Variants in PHF3 observed in about 807,000 individuals in gnomAD.
The protein encoded by PHF3 is PHD finger protein 3.
In PHF3, 41 loss-of-function variants were observed where a neutral mutation model predicts 178.4. The ratio of observed to expected loss-of-function variants is 0.23; its 90% CI spans 0.18 to 0.30. The LOEUF is 0.30. Ranked by LOEUF, PHF3 falls within the 10% of genes least tolerant of loss-of-function variation. PHF3 has a pLI of 1.00. For synonymous variants in PHF3, 842 were observed against 800.5 expected (o/e 1.05, Z -0.88); for missense variants, 2,346 against 2,398.1 (o/e 0.98, Z 0.45).
intron 15 of PHF3, 100 bp from the exon 16 acceptor site, chr6:63,711,486 G>A: frequency 7.4e-7 from 1 of 1,347,296 alleles, no homozygotes. Context: ...GACAGGGCCA[G>A]GCACCATTTA....
intron 1 of PHF3, among the ~76,000 whole-genome samples, chr6:63,639,736 G>T (rs1764494483): frequency 6.6e-6 from 1 of 152,122 alleles, no homozygotes; most frequent in Admixed American, 6.5e-5. Context: ...TAGGGTCGCT[G>T]TGAGGAACTA....
At chr6:63,693,353 C>G (rs1272544128) in intron 5 of PHF3, among the ~76,000 whole-genome samples, 1 of 152,176 alleles carries the variant, frequency 6.6e-6, no homozygotes, top group Admixed American at 6.5e-5. Flanking sequence ...CAGTGGCTCA[C>G]ACCTGTAATC....
intron 9 of PHF3, among the ~76,000 whole-genome samples, chr6:63,702,100 A>G (rs1767499917): frequency 1.3e-5 from 2 of 152,268 alleles, no homozygotes; most frequent in African/African-American, 2.4e-5. Context: ...ATAAACTACT[A>G]TTGTGGGGGA....
rs1767153704 is a variant in PHF3 at position 63,694,647 on chromosome 6, C to T, written c.2563C>T (p.Pro855Ser). ...DNEIKKWQLA[P>S]LRKMGQPVLP... ...TGAAATTAAAAAATGGCAGCTAGCT[C>T]CTCTTCGTAAGATGGGACAACCAGT... The change falls in exon 6 of 16, where the codon CCT (proline) becomes TCT (serine). Residue 855 changes from proline to serine, a missense_variant. By Grantham distance (74) the Pro-to-Ser change is moderately conservative (BLOSUM62 -1). Coordinates refer to ENST00000262043, the MANE Select transcript of PHF3 (RefSeq NM_001370348.2). The T allele has an allele frequency of 2.5e-6, 4 of 1,589,808 alleles. No homozygotes were observed.
chr6:63,644,048 G>A (rs768532965), intron 1 of PHF3, among the ~76,000 whole-genome samples: 3 of 152,186 alleles, frequency 2.0e-5, no homozygotes, highest in Non-Finnish European at 2.9e-5. Flanking sequence ...CATATAGTTG[G>A]TACAACAGGA....
In PHF3 at chr6:63,685,553, C is replaced by T. The variant is rs772983570; in HGVS notation, c.1831C>T (p.His611Tyr). 1.2e-6 allele frequency: 2 copies of T among 1,614,108 alleles called. No individual in the cohort carries two copies. Among genetic ancestry groups the T allele is most frequent in the Non-Finnish European group, 1.7e-6 (2 of 1,179,984 alleles). Residue 611 changes from histidine (H) to tyrosine (Y), a missense_variant, in exon 4 of 16, where the codon CAT (histidine) becomes TAT (tyrosine). Physicochemically the swap from His to Tyr is moderately conservative, Grantham distance 83. Coordinates refer to ENST00000262043, the MANE Select transcript of PHF3 (RefSeq NM_001370348.2). Reference protein sequence around the residue: ...HAHPGCLKEPHHPAQTGHVSH... With the variant: ...HAHPGCLKEPYHPAQTGHVSH... ...TCATCCTGGTTGCTTGAAAGAACCT[C>T]ATCATCCTGCACAAACTGGACATGT... is the stretch of plus-strand genomic sequence containing the variant.
In PHF3 at chr6:63,684,806, G is replaced by C. The variant is rs376420192; in HGVS notation, c.1084G>C (p.Gly362Arg). The stretch of plus-strand genomic sequence containing the variant: ...AAATAAGACAGAAAACAGCCTTGTA[G>C]GTTTGCCTAGTTGTGTAGATGAAGT... ...NPNKTENSLVGLPSCVDEVTE... is the reference protein window; with the variant it reads ...NPNKTENSLVRLPSCVDEVTE... The change falls in exon 4 of 16, where the codon GGT becomes CGT. Residue 362 changes from glycine (G) to arginine (R), a missense_variant. Physicochemically the swap from Gly to Arg is moderately radical, Grantham distance 125. Transcript: ENST00000262043. 2 of 1,614,012 alleles carry C rather than the reference G, an allele frequency of 1.2e-6. No homozygotes were observed. Among genetic ancestry groups the C allele is most frequent in the South Asian group, 1.1e-5 (1 of 91,072 alleles).
chr6:63,685,898 C>A lies in PHF3; in HGVS notation c.2176C>A (p.Pro726Thr). 1.2e-6 allele frequency: 2 copies of A among 1,611,072 alleles called. No individual in the cohort carries two copies. Among genetic ancestry groups the A allele is most frequent in the Non-Finnish European group, 1.7e-6 (2 of 1,179,216 alleles). Residue 726 changes from proline (P) to threonine (T), a missense_variant, in exon 4 of 16, where the codon CCA becomes ACA. This residue lies in a region of PHF3 where 72 missense variants were observed against 110.5 expected (regional missense o/e 0.65). Coordinates refer to ENST00000262043, the MANE Select transcript of PHF3 (RefSeq NM_001370348.2). ...CAAGCAGTGTGGGTTTTGCAAAAAA[C>A]CACATGGCAACAGGTGTGTGTGTAT... Reference protein sequence around the residue: ...PSKQCGFCKKPHGNRFMVGCG... With the variant: ...PSKQCGFCKKTHGNRFMVGCG...
At position 63,694,669 on chromosome 6, in the gene PHF3, C is replaced by G; in HGVS notation, c.2585C>G (p.Pro862Arg). ...GCTCCTCTTCGTAAGATGGGACAACCAGTTTTACCTCGGAGATCCTCAGAA... is the reference window on the plus strand; with the variant it reads ...GCTCCTCTTCGTAAGATGGGACAACGAGTTTTACCTCGGAGATCCTCAGAA... ...QLAPLRKMGQPVLPRRSSEEK... is the reference protein window; with the variant it reads ...QLAPLRKMGQRVLPRRSSEEK... Residue 862 changes from proline to arginine, a missense_variant, in exon 6 of 16, where the codon CCA becomes CGA. This residue lies in a region of PHF3 where 252 missense variants were observed against 232.0 expected (regional missense o/e 1.09). Coordinates refer to ENST00000262043, the MANE Select transcript of PHF3 (RefSeq NM_001370348.2). 1 of 1,601,866 alleles carries G rather than the reference C, an allele frequency of 6.2e-7. No individual in the cohort carries two copies. Among genetic ancestry groups the G allele is most frequent in the African/African-American group, 1.3e-5 (1 of 74,424 alleles).
At chr6:63,704,904 G>C (rs936544778) in intron 11 of PHF3, among the ~76,000 whole-genome samples, 1 of 152,208 alleles carries the variant, frequency 6.6e-6, no homozygotes. Flanking sequence ...CAATGAATGA[G>C]AGTTCCTGTT....
Position 63,725,498 on chromosome 6 carries a change from T to G in PHF3, c.*11790T>G, listed in dbSNP as rs1768580515. 6.6e-6 allele frequency among the ~76,000 whole-genome samples: 1 copy of G among 152,140 alleles called. No homozygotes were observed. The highest frequency in any genetic ancestry group is 6.6e-5 in the Admixed American group (1 of 15,266). On this transcript the variant is annotated 3_prime_UTR_variant, in exon 16 of 16. Coordinates refer to ENST00000262043, the MANE Select transcript of PHF3 (RefSeq NM_001370348.2). ...TGATTGTCTTTTAATGTCTCTTGAT[T>G]TATAAATAGAAAATTTATGTTTGTA...
Position 63,718,435 on chromosome 6 carries a change from G to A in PHF3, c.*4727G>A, listed in dbSNP as rs756290949. 4.0e-5 allele frequency among the ~76,000 whole-genome samples: 6 copies of A among 151,836 alleles called. No homozygotes were observed. Among genetic ancestry groups the A allele is most frequent in the Non-Finnish European group, 8.8e-5 (6 of 67,896 alleles). On this transcript the variant is annotated 3_prime_UTR_variant, in exon 16 of 16. Coordinates refer to ENST00000262043, the MANE Select transcript of PHF3 (RefSeq NM_001370348.2). ...CATACTAGAAAATCAAATGATAAACGTTAAAAATATTTGTTAATGATAATC... is the reference window on the plus strand; with the variant it reads ...CATACTAGAAAATCAAATGATAAACATTAAAAATATTTGTTAATGATAATC...
chr6:63,663,752 G>C (rs893547793), intron 2 of PHF3, among the ~76,000 whole-genome samples: 2 of 152,146 alleles, frequency 1.3e-5, no homozygotes, highest in South Asian at 4.1e-4. Context: ...GTGACTGAGA[G>C]CTAGTATGGA....
chr6:63,685,975 G>C (rs183464763), intron 4 of PHF3, 64 bp downstream of exon 4: 1 of 1,107,504 alleles, frequency 9.0e-7, no homozygotes, highest in South Asian at 1.4e-5. Context: ...TTGGGGGTGG[G>C]ATTAATGTGA....
Position 63,713,425 on chromosome 6 carries a change from A to G in PHF3, c.5837A>G (p.His1946Arg), listed in dbSNP as rs377497995. ...EKEWEQESER[H>R]RRRDRSQDKD... is the part of the protein sequence containing the mutation. ...GAATGGGAGCAAGAATCTGAAAGGC[A>G]TAGACGCAGAGACAGAAGCCAAGAC... The change falls in exon 16 of 16, where the codon CAT becomes CGT. Residue 1946 changes from histidine to arginine, a missense_variant. His to Arg is a conservative substitution (Grantham distance 29). Around this residue, in one of 8 missense-constraint regions of PHF3, gnomAD observed 839 missense variants for 806.9 expected, o/e 1.04. Coordinates refer to ENST00000262043, the MANE Select transcript of PHF3 (RefSeq NM_001370348.2). 1.9e-5 allele frequency: 31 copies of G among 1,613,914 alleles called. No homozygotes were observed. Among genetic ancestry groups the G allele is most frequent in the Non-Finnish European group, 2.5e-5 (30 of 1,179,982 alleles).
At position 63,721,738 on chromosome 6, in the gene PHF3, C is replaced by T. The variant is rs1224801221; in HGVS notation, c.*8030C>T. 2 of 1,550,704 alleles carry T rather than the reference C, an allele frequency of 1.3e-6. No individual in the cohort carries two copies. Among genetic ancestry groups the T allele is most frequent in the Non-Finnish European group, 1.7e-6 (2 of 1,146,306 alleles). ...AGAGTTTCTAGAATGATAGTTCTGT[C>T]GCCAAGGTTGTAGCGAAGTTGAACG... On this transcript the variant is annotated 3_prime_UTR_variant, in exon 16 of 16. Transcript: ENST00000262043.
At position 63,719,881 on chromosome 6, in the gene PHF3, ATTC is replaced by A. The variant is rs1286803802; in HGVS notation, c.*6176_*6178del. ...TTCTCTCCAGAGGCAACCATTTTTA[ATTC>A]TTTTAGATATTTAGGATATTTGCCT... On this transcript the variant is annotated 3_prime_UTR_variant, in exon 16 of 16. Transcript: ENST00000262043. 12 of 152,180 alleles carry A rather than the reference ATTC, an allele frequency of 7.9e-5. No homozygotes were observed. Among genetic ancestry groups the A allele is most frequent in the African/African-American group, 2.6e-4 (11 of 41,568 alleles). 9.4% of individuals were successfully genotyped at this position (152,180 alleles called of 1,614,324 possible). A position where few individuals can be genotyped will look rare whatever the true frequency, so the allele number is the denominator to read the frequency against.
At chr6:63,677,951 A>C (rs1005138871) in intron 2 of PHF3, among the ~76,000 whole-genome samples, 1 of 152,174 alleles carries the variant, frequency 6.6e-6, no homozygotes, top group Non-Finnish European at 1.5e-5. Context: ...GGCTGGGTGC[A>C]GTGGTTCACA....
intron 1 of PHF3, among the ~76,000 whole-genome samples, chr6:63,644,030 G>A (rs989222953): frequency 6.6e-6 from 1 of 152,188 alleles, no homozygotes; most frequent in Non-Finnish European, 1.5e-5. Flanking sequence ...TCACTTGAAA[G>A]CTCACAGCAT....
Sources: allele counts gnomAD v4.1 joint callset (sites outside exome capture counted in the v4.1 genomes callset), GRCh38; gene constraint gnomAD v4.1.1; regional missense constraint gnomAD v4.1.1; transcripts MANE v1.5; gene names NCBI Gene and HGNC (gene_info 2026-07-23, HGNC 2026-07-21).